The following PTPRD variants were observed in gnomAD, a reference collection of about 807,000 sequenced individuals.
The protein encoded by PTPRD is protein tyrosine phosphatase receptor type D.
A neutral mutation model predicts 214.5 loss-of-function variants in PTPRD; 34 were observed. The ratio of observed to expected loss-of-function variants is 0.16; its 90% confidence interval spans 0.12 to 0.21. The LOEUF is 0.21. Among genes scored for constraint, PTPRD ranks in the 10% least tolerant of loss-of-function variants. PTPRD has a pLI of 1.00. For synonymous variants in PTPRD, 1,128 were observed against 845.7 expected (o/e 1.33, Z -5.79); for missense variants, 2,545 against 2,398.7 (o/e 1.06, Z -1.27).
At chr9:10,381,597 G>A (rs2097826272) in intron 2 of PTPRD, among the ~76,000 whole-genome samples, 1 of 152,056 alleles carries the variant, frequency 6.6e-6, no homozygotes, top group South Asian at 2.1e-4. Flanking sequence ...AGTCTAACCT[G>A]TTATCTGGCT....
chr9:10,564,861 T>A (rs560256964), intron 2 of PTPRD, among the ~76,000 whole-genome samples: 18 of 152,192 alleles, frequency 1.2e-4, no homozygotes, highest in Non-Finnish European at 2.5e-4. Context: ...TTTTTGGATA[T>A]AGTCCTGAGA....
intron 8 of PTPRD, among the ~76,000 whole-genome samples, chr9:9,529,772 T>C (rs891073060): frequency 2.6e-5 from 4 of 151,874 alleles, no homozygotes; most frequent in Non-Finnish European, 4.4e-5. Flanking sequence ...AATTCCTCTC[T>C]AGGTATTTAC....
At chr9:9,551,203 A>G (rs992419207) in intron 8 of PTPRD, among the ~76,000 whole-genome samples, 1 of 152,022 alleles carries the variant, frequency 6.6e-6, no homozygotes, top group Non-Finnish European at 1.5e-5. Flanking sequence ...GTGATAATCA[A>G]CCTGGCGCTA....
chr9:8,473,548 C>CA (rs1372212525), intron 30 of PTPRD, among the ~76,000 whole-genome samples: 1 of 152,170 alleles, frequency 6.6e-6, no homozygotes, highest in Non-Finnish European at 1.5e-5. Flanking sequence ...AAGAGCGCTA[C>CA]ACATAAAGCA....
At chr9:8,946,444 G>C (rs2099064770) in intron 11 of PTPRD, among the ~76,000 whole-genome samples, 1 of 152,056 alleles carries the variant, frequency 6.6e-6, no homozygotes, top group South Asian at 2.1e-4. Context: ...TTATTTATGG[G>C]AGTAATACGA....
chr9:10,079,774 C>G (rs2098202473), intron 3 of PTPRD, among the ~76,000 whole-genome samples: 1 of 152,084 alleles, frequency 6.6e-6, no homozygotes, highest in African/African-American at 2.4e-5. Flanking sequence ...GTGATGTATA[C>G]TCAGCAAATG....
At chr9:8,986,914 T>C (rs868141948) in intron 11 of PTPRD, among the ~76,000 whole-genome samples, 1 of 152,114 alleles carries the variant, frequency 6.6e-6, no homozygotes, top group Non-Finnish European at 1.5e-5. Context: ...CAATTGTCTG[T>C]CTCTGAGGAC....
intron 2 of PTPRD, among the ~76,000 whole-genome samples, chr9:10,530,515 T>A (rs1444149820): frequency 6.6e-6 from 1 of 152,108 alleles, no homozygotes; most frequent in Admixed American, 6.6e-5. Flanking sequence ...CTAAGTATTA[T>A]TGTCAGAAAA....
intron 3 of PTPRD, among the ~76,000 whole-genome samples, chr9:10,227,466 C>T (rs1051051902): frequency 4.0e-5 from 6 of 151,708 alleles, no homozygotes; most frequent in East Asian, 1.9e-4. Context: ...TACTCTTTCG[C>T]GTGAAAACTT....
chr9:8,534,823 G>C (rs1320972873), intron 14 of PTPRD, among the ~76,000 whole-genome samples: 1 of 151,606 alleles, frequency 6.6e-6, no homozygotes, highest in Non-Finnish European at 1.5e-5. Context: ...GGTCAAATAA[G>C]GTGGCCAAAT....
chr9:10,418,446 TACAC>T (rs3076350), intron 2 of PTPRD, among the ~76,000 whole-genome samples: 15,413 of 124,432 alleles, frequency 0.12, 982 homozygotes, highest in East Asian at 0.25. Context: ...CCTTCCCCTC[TACAC>T]ACACACACAC....
chr9:8,918,698 A>G (rs533112840), intron 11 of PTPRD, among the ~76,000 whole-genome samples: 1 of 152,258 alleles, frequency 6.6e-6, no homozygotes, highest in East Asian at 1.9e-4. Context: ...AATTTTGCTT[A>G]ACTAGATGCC....
At chr9:10,063,394 T>C (rs2097814230) in intron 3 of PTPRD, among the ~76,000 whole-genome samples, 1 of 152,020 alleles carries the variant, frequency 6.6e-6, no homozygotes, top group African/African-American at 2.4e-5. Flanking sequence ...TTAAAGTATC[T>C]ATTGATAAAA....
chr9:8,841,323 CTT>C (rs1428060485), intron 11 of PTPRD, among the ~76,000 whole-genome samples: 4 of 152,238 alleles, frequency 2.6e-5, no homozygotes, highest in African/African-American at 9.6e-5. Context: ...TACTTTTCCA[CTT>C]TGTTACAAGG....
At chr9:8,993,446 G>A (rs1210061612) in intron 11 of PTPRD, among the ~76,000 whole-genome samples, 3 of 151,960 alleles carry the variant, frequency 2.0e-5, no homozygotes, top group African/African-American at 4.8e-5. Context: ...TTTGTGTAGC[G>A]TTTTTCCCAT....
intron 11 of PTPRD, among the ~76,000 whole-genome samples, chr9:8,756,399 A>G (rs10119977): frequency 0.051 from 7,708 of 152,304 alleles, 487 homozygotes; most frequent in African/African-American, 0.15. Context: ...GTGTGAAAGT[A>G]CATATATGTA....
intron 2 of PTPRD, among the ~76,000 whole-genome samples, chr9:10,369,686 T>C (rs1025922264): frequency 1.8e-4 from 28 of 152,192 alleles, no homozygotes; most frequent in Non-Finnish European, 3.8e-4. Context: ...CCCATTCTCT[T>C]TTTCTATACA....
chr9:8,671,935 T>C (rs970168784), intron 12 of PTPRD, among the ~76,000 whole-genome samples: 10 of 152,192 alleles, frequency 6.6e-5, no homozygotes, highest in African/African-American at 2.4e-4. Flanking sequence ...ATACATTCTT[T>C]ACATACATAC....
At chr9:9,785,984 T>A (rs1597759699) in intron 5 of PTPRD, among the ~76,000 whole-genome samples, 1 of 152,214 alleles carries the variant, frequency 6.6e-6, no homozygotes, top group East Asian at 1.9e-4. Context: ...ATTACCACTT[T>A]GCTAATGTTA....
Sources: allele counts gnomAD v4.1 joint callset (sites outside exome capture counted in the v4.1 genomes callset), GRCh38; gene constraint gnomAD v4.1.1; transcripts MANE v1.5; gene names NCBI Gene and HGNC (gene_info 2026-07-23, HGNC 2026-07-21).